CCNE2: variants seen among roughly 807,000 people sequenced by gnomAD.
CCNE2 encodes the protein cyclin E2.
A neutral mutation model predicts 56.8 loss-of-function variants in CCNE2; 18 were observed. The ratio of observed to expected loss-of-function variants is 0.32; its 90% CI spans 0.22 to 0.47. The LOEUF (loss-of-function observed/expected upper bound fraction) is 0.47, where lower values mean the gene tolerates loss of function less well. Among genes scored for constraint, CCNE2 ranks in the 20% least tolerant of loss-of-function variants. CCNE2 has a pLI of 1.00. For missense variants in CCNE2, 371 were observed against 467.1 expected (o/e 0.79, Z 1.90); for synonymous variants, 139 against 149.2 (o/e 0.93, Z 0.50).
In CCNE2 at chr8:94,882,223, C is replaced by T; in HGVS notation, c.1010G>A (p.Ser337Asn). 6.2e-7 allele frequency: 1 copy of T among 1,613,124 alleles called. No individual in the cohort carries two copies. The highest frequency in any genetic ancestry group is 8.5e-7 in the Non-Finnish European group (1 of 1,179,524). ...WMVPFVNVVK[S>N]TSPVKLKTFK... ...AGTCTTCAGCTTCACTGGACTAGTACTTTTTACTACATTGACAAAAGGTAC... is the reference window on the plus strand; with the variant it reads ...AGTCTTCAGCTTCACTGGACTAGTATTTTTTACTACATTGACAAAAGGTAC... Residue 337 changes from serine to asparagine, a missense_variant, in exon 11 of 12, where the codon AGT (serine) becomes AAT (asparagine). Coordinates refer to ENST00000308108, the MANE Select transcript of CCNE2 (RefSeq NM_057749.3).
intron 5 of CCNE2, chr8:94,891,980 C>A: frequency 2.1e-6 from 2 of 932,148 alleles, no homozygotes; most frequent in Non-Finnish European, 3.4e-6. Flanking sequence ...GTGATCTCTC[C>A]CTGCCACATC....
chr8:94,882,672 T>A (rs1431173711), intron 10 of CCNE2, 109 bp downstream of exon 10: 1 of 749,056 alleles, frequency 1.3e-6, no homozygotes, highest in African/African-American at 1.8e-5. Flanking sequence ...AGCTAATTTT[T>A]TTTTTGCCAA....
intron 4 of CCNE2, chr8:94,893,677 G>A: frequency 3.5e-6 from 2 of 573,838 alleles, no homozygotes; most frequent in Non-Finnish European, 6.1e-6. Flanking sequence ...TTACAAAAAG[G>A]AACCAGCTGC....
At chr8:94,891,881 A>T (rs1817259094) in intron 5 of CCNE2, 6 of 1,432,414 alleles carry the variant, frequency 4.2e-6, no homozygotes, top group Admixed American at 1.7e-5. Flanking sequence ...TTAGATGTAG[A>T]TTCTCTGGTC....
intron 8 of CCNE2, 109 bp downstream of exon 8, chr8:94,885,354 C>T (rs891149437): frequency 1.6e-5 from 16 of 1,023,668 alleles, no homozygotes; most frequent in Non-Finnish European, 2.2e-5. Context: ...ATCCTAATAC[C>T]TCAGTTTTGA....
chr8:94,895,547 G>C (rs551136887), upstream of CCNE2, among the ~76,000 whole-genome samples: 1 of 152,196 alleles, frequency 6.6e-6, no homozygotes, highest in Non-Finnish European at 1.5e-5. Flanking sequence ...GATTTCGGGG[G>C]TGTCAGCCTG....
upstream of CCNE2, among the ~76,000 whole-genome samples, chr8:94,896,300 G>T (rs1817561285): frequency 6.7e-6 from 1 of 148,492 alleles, no homozygotes; most frequent in African/African-American, 2.4e-5. Flanking sequence ...GCCCTGCGGA[G>T]CCCGCGCGAG....
chr8:94,880,706 A>G lies in CCNE2; in HGVS notation c.*926T>C. 1 of 395,156 alleles carries G rather than the reference A, an allele frequency of 2.5e-6. No homozygotes were observed. Among genetic ancestry groups the G allele is most frequent in the Admixed American group, 4.4e-5 (1 of 22,656 alleles). The allele number at this position is 395,156 out of a possible 1,614,324, so 24.5% of individuals were successfully genotyped here. A position where few individuals can be genotyped will look rare whatever the true frequency, so the allele number is the denominator to read the frequency against. ...ACTGTCCTTATCTCACAATGGAGGA[A>G]TTTAGAAAGGACCTTAACAGTTTCA... is the stretch of plus-strand genomic sequence containing the variant. On this transcript the variant is annotated 3_prime_UTR_variant, in exon 12 of 12. Transcript: ENST00000308108.
upstream of CCNE2, chr8:94,895,376 C>T (rs1268559206): frequency 2.1e-6 from 1 of 468,822 alleles, no homozygotes; most frequent in African/African-American, 2.1e-5. Context: ...GCCGTGGGGT[C>T]CACTCTACCG....
intron 11 of CCNE2, 82 bp downstream of exon 11, chr8:94,882,050 A>AGG: frequency 7.6e-7 from 1 of 1,320,164 alleles, no homozygotes; most frequent in South Asian, 1.5e-5. Flanking sequence ...AACTGCCTGA[A>AGG]GGAGTACTCT....
chr8:94,893,898 T>G lies in CCNE2; in HGVS notation c.158A>C (p.Glu53Ala), dbSNP rs1251640284. Residue 53 changes from glutamate (E) to alanine (A), a missense_variant, in exon 4 of 12, where the codon GAA becomes GCA. By Grantham distance (107) the Glu-to-Ala change is moderately radical. Transcript: ENST00000308108. ...AGCCCAGTTCTGCATTACCCTAATT[T>G]CATACTGATGTTTCTTGGTGACCTC... is the stretch of plus-strand genomic sequence containing the variant. ...REEVTKKHQY[E>A]IRNCWPPVLS... The G allele has an allele frequency of 1.2e-6, 2 of 1,614,108 alleles. No individual in the cohort carries two copies. Among genetic ancestry groups the G allele is most frequent in the Admixed American group, 3.3e-5 (2 of 60,028 alleles).
intron 11 of CCNE2, 161 bp from the exon 12 acceptor site, chr8:94,881,906 T>G: frequency 2.2e-6 from 2 of 915,662 alleles, no homozygotes; most frequent in Non-Finnish European, 3.2e-6. Context: ...GTTATATATT[T>G]TTTAAACTCT....
chr8:94,893,498 A>G (rs1474159078), intron 4 of CCNE2: 1 of 189,748 alleles, frequency 5.3e-6, no homozygotes, highest in African/African-American at 2.3e-5. Flanking sequence ...ACATAGGAAG[A>G]AGAGGTACCA....
At chr8:94,885,022 C>A in intron 9 of CCNE2, 45 bp downstream of exon 9, 1 of 1,565,358 alleles carries the variant, frequency 6.4e-7, no homozygotes, top group Non-Finnish European at 8.8e-7. Context: ...ACACTAAAAC[C>A]TGTAATTAAT....
chr8:94,893,078 C>T (rs533511428), intron 4 of CCNE2, 109 bp from the exon 5 acceptor site: 1 of 862,146 alleles, frequency 1.2e-6, no homozygotes, highest in African/African-American at 1.8e-5. Flanking sequence ...ATAATTTTAG[C>T]TAACATAGAT....
chr8:94,896,077 G>C (rs114055803), upstream of CCNE2: 3,709 of 153,710 alleles, frequency 0.024, 126 homozygotes, highest in African/African-American at 0.083. Context: ...CTCGCGCCAC[G>C]CCGCGCCCTC....
At chr8:94,886,863 C>G (rs1421896594) in intron 7 of CCNE2, among the ~76,000 whole-genome samples, 1 of 152,200 alleles carries the variant, frequency 6.6e-6, no homozygotes, top group Admixed American at 6.5e-5. Flanking sequence ...GATTAGGTGT[C>G]TCCCACATAG....
Position 94,882,773 on chromosome 8 carries a change from A to C in CCNE2, c.943+8T>G. 1 of 1,570,160 alleles carries C rather than the reference A, an allele frequency of 6.4e-7. No homozygotes were observed. The highest frequency in any genetic ancestry group is 8.8e-7 in the Non-Finnish European group (1 of 1,140,180). ...AAAGGTAAGAAGACAACAAATAGAG[A>C]GTCTTACCTGAGGCTTTCTTAACCA... On this transcript the variant is annotated splice_region_variant and intron_variant, in intron 10 of 11. Coordinates refer to ENST00000308108, the MANE Select transcript of CCNE2 (RefSeq NM_057749.3).
intron 10 of CCNE2, among the ~76,000 whole-genome samples, 164 bp downstream of exon 10, chr8:94,882,617 A>G (rs532122785): frequency 6.6e-6 from 1 of 152,344 alleles, no homozygotes; most frequent in African/African-American, 2.4e-5. Context: ...GTTGATACAC[A>G]TTCAGGATTG....
Sources: allele counts gnomAD v4.1 joint callset (sites outside exome capture counted in the v4.1 genomes callset), GRCh38; gene constraint gnomAD v4.1.1; transcripts MANE v1.5; gene names NCBI Gene and HGNC (gene_info 2026-07-23, HGNC 2026-07-21).